The following VPS16 variants were observed in gnomAD, a reference collection of about 807,000 sequenced individuals.
VPS16 encodes the protein VPS16 core subunit of CORVET and HOPS complexes.
In VPS16, 82 loss-of-function variants were observed where a neutral mutation model predicts 116.0. The observed-to-expected ratio is 0.71, with a 90% CI of 0.59 to 0.85. The LOEUF is 0.85. Among genes scored for constraint, VPS16 ranks in the 40% least tolerant of loss-of-function variants. The probability of loss-of-function intolerance (pLI) is 0.00; values close to 1 mark genes in which losing one functional copy is unlikely to be tolerated. For missense variants in VPS16, 928 were observed against 1,090.6 expected (o/e 0.85, Z 2.10); for synonymous variants, 406 against 420.7 (o/e 0.96, Z 0.43).
Position 2,865,140 on chromosome 20 carries a change from G to C in VPS16, c.2005-8G>C. On this transcript the variant is annotated splice_polypyrimidine_tract_variant and splice_region_variant and intron_variant, in intron 20 of 23. Coordinates refer to ENST00000380445, the MANE Select transcript of VPS16 (RefSeq NM_022575.4). This position sits in a 1 kb window ranked among gnomAD's most constrained non-coding sequence, Gnocchi z 5.2. Reference sequence around the variant, plus strand: ...ATCCCCATCATGCCTCATTATCCGGGTCCCCAGGCTACAGAGGATCAAATG... The same window carrying C: ...ATCCCCATCATGCCTCATTATCCGGCTCCCCAGGCTACAGAGGATCAAATG... 1.2e-6 allele frequency: 2 copies of C among 1,614,016 alleles called. No individual in the cohort carries two copies. Among genetic ancestry groups the C allele is most frequent in the South Asian group, 1.1e-5 (1 of 91,076 alleles).
At chr20:2,856,322 G>A (rs1232996831) in intron 1 of VPS16, among the ~76,000 whole-genome samples, 2 of 152,090 alleles carry the variant, frequency 1.3e-5, no homozygotes, top group Admixed American at 1.3e-4. Flanking sequence ...AACAATTATA[G>A]TAGTAACATC....
Position 2,863,147 on chromosome 20 carries a change from G to A in VPS16, c.1367+47G>A. The A allele has an allele frequency of 6.2e-6, 10 of 1,613,434 alleles. No homozygotes were observed. The highest frequency in any genetic ancestry group is 7.6e-6 in the Non-Finnish European group (9 of 1,179,856). On this transcript the variant is annotated intron_variant, in intron 14 of 23. Coordinates refer to ENST00000380445, the MANE Select transcript of VPS16 (RefSeq NM_022575.4). This position sits in a 1 kb window ranked among gnomAD's most constrained non-coding sequence, Gnocchi z 4.4. ...AGTGAGCGGGCTGTCAGGGGGGTGGGCATTACAGCCTTGGGTGGGGTCTTA... is the reference window on the plus strand; with the variant it reads ...AGTGAGCGGGCTGTCAGGGGGGTGGACATTACAGCCTTGGGTGGGGTCTTA...
intron 12 of VPS16, 48 bp from the exon 13 acceptor site, chr20:2,862,759 G>GGGGTGGT: frequency 1.3e-6 from 1 of 777,190 alleles, no homozygotes; most frequent in African/African-American, 1.8e-5. Flanking sequence ...GAGGGGGTGG[G>GGGGTGGT]ATGGGCAGCA....
Position 2,860,626 on chromosome 20 carries a change from G to T in VPS16, c.514+33G>T, listed in dbSNP as rs909146058. On this transcript the variant is annotated intron_variant, in intron 5 of 23. Coordinates refer to ENST00000380445, the MANE Select transcript of VPS16 (RefSeq NM_022575.4). The surrounding 1 kb of genome is among the most constrained non-coding windows in gnomAD (Gnocchi z 6.1). Reference sequence around the variant, plus strand: ...CTGACACCGCTGAGATAGCCAAGCAGTACCCACAGATGTGCCTCTAGCCTG... The same window carrying T: ...CTGACACCGCTGAGATAGCCAAGCATTACCCACAGATGTGCCTCTAGCCTG... 6.2e-7 allele frequency: 1 copy of T among 1,612,326 alleles called. No homozygotes were observed. Among genetic ancestry groups the T allele is most frequent in the Non-Finnish European group, 8.5e-7 (1 of 1,179,488 alleles).
chr20:2,840,811 G>C lies in VPS16; in HGVS notation c.37G>C (p.Asp13His). 6.5e-7 allele frequency: 1 copy of C among 1,548,130 alleles called. No homozygotes were observed. Among genetic ancestry groups the C allele is most frequent in the Non-Finnish European group, 8.7e-7 (1 of 1,146,558 alleles). Residue 13 changes from aspartate (D) to histidine (H), a missense_variant, in exon 1 of 24, where the codon GAC becomes CAC. By Grantham distance (81) the Asp-to-His change is moderately conservative. Coordinates refer to ENST00000380445, the MANE Select transcript of VPS16 (RefSeq NM_022575.4). ...CACGGCGAACTGGAACCCACTCGGG[G>C]ACTCTGCCTTTTACCGGTGAGCTGC... ...CYTANWNPLGDSAFYRKYELY... is the reference protein window; with the variant it reads ...CYTANWNPLGHSAFYRKYELY...
At chr20:2,857,901 G>C (rs916667982) in intron 1 of VPS16, among the ~76,000 whole-genome samples, 1 of 149,288 alleles carries the variant, frequency 6.7e-6, no homozygotes, top group Non-Finnish European at 1.5e-5. Flanking sequence ...AGTAGAGACA[G>C]GGTTTCACCG....
Position 2,860,803 on chromosome 20 carries a change from C to T in VPS16, c.570C>T (p.His190=), listed in dbSNP as rs752294450. ...WTVLCQDRVA[H]ILLAVGPDLY... is the part of the protein sequence containing the mutation. Reference sequence around the variant, plus strand: ...TGCTGTGCCAGGACCGAGTGGCACACATTCTTCTGGCTGTGGGGCCTGACC... The same window carrying T: ...TGCTGTGCCAGGACCGAGTGGCACATATTCTTCTGGCTGTGGGGCCTGACC... Residue 190 remains histidine, a synonymous_variant, in exon 6 of 24, where the codon CAC becomes CAT. Transcript: ENST00000380445. The surrounding 1 kb of genome is among the most constrained non-coding windows in gnomAD (Gnocchi z 6.1). 3.1e-6 allele frequency: 5 copies of T among 1,614,100 alleles called. No homozygotes were observed. Among genetic ancestry groups the T allele is most frequent in the Non-Finnish European group, 4.2e-6 (5 of 1,180,036 alleles).
rs1004454458 is a variant in VPS16 at position 2,842,735 on chromosome 20, T to G, written c.53+1908T>G. Among the ~76,000 whole-genome samples, 19 of 71,590 alleles carry G rather than the reference T, an allele frequency of 2.7e-4. 3 individuals carry two copies. The highest frequency in any genetic ancestry group is 7.4e-4 in the East Asian group (2 of 2,690). 47.0% of individuals were successfully genotyped at this position (71,590 alleles called of 152,430 possible). A position where few individuals can be genotyped will look rare whatever the true frequency, so the allele number is the denominator to read the frequency against. On this transcript the variant is annotated intron_variant, in intron 1 of 23. Coordinates refer to ENST00000380445, the MANE Select transcript of VPS16 (RefSeq NM_022575.4). ...AGATAGACATATGGATGTATCTATC[T>G]ATAGATACATATAGATGTATCTATC...
intron 1 of VPS16, among the ~76,000 whole-genome samples, chr20:2,854,449 AAAC>A (rs1466022085): frequency 2.0e-5 from 3 of 151,822 alleles, no homozygotes; most frequent in Non-Finnish European, 4.4e-5. Flanking sequence ...AAACAAAACA[AAAC>A]AAAAAAAACG....
chr20:2,840,974 A>G, intron 1 of VPS16, 147 bp downstream of exon 1: 2 of 758,520 alleles, frequency 2.6e-6, no homozygotes, highest in Non-Finnish European at 4.1e-6. Flanking sequence ...CTTAGCGCAC[A>G]GCCGCCTTTG....
In VPS16 at chr20:2,860,056, C is replaced by G; in HGVS notation, c.145C>G (p.Leu49Val). Residue 49 changes from leucine to valine, a missense_variant and splice_region_variant, in exon 3 of 24, where the codon CTG (leucine) becomes GTG (valine). By Grantham distance (32) the Leu-to-Val change is conservative (BLOSUM62 1). Coordinates refer to ENST00000380445, the MANE Select transcript of VPS16 (RefSeq NM_022575.4). This position sits in a 1 kb window ranked among gnomAD's most constrained non-coding sequence, Gnocchi z 6.1. ...AAAPYGGPIALLRNPWRKEKA... is the reference protein window; with the variant it reads ...AAAPYGGPIAVLRNPWRKEKA... The stretch of plus-strand genomic sequence containing the variant: ...GAAGGTCTCTTCTCAAACTGCAGCA[C>G]TGCTGAGGAACCCCTGGCGGAAGGA... 6.2e-7 allele frequency: 1 copy of G among 1,613,978 alleles called. No homozygotes were observed. The highest frequency in any genetic ancestry group is 8.5e-7 in the Non-Finnish European group (1 of 1,180,016).
In VPS16 at chr20:2,840,795, C is replaced by T. The variant is rs1220340857; in HGVS notation, c.21C>T (p.Asn7=). ...CAGCCATGGACTGCTACACGGCGAACTGGAACCCACTCGGGGACTCTGCCT... is the reference window on the plus strand; with the variant it reads ...CAGCCATGGACTGCTACACGGCGAATTGGAACCCACTCGGGGACTCTGCCT... MDCYTA[N]WNPLGDSAFY... is the part of the protein sequence containing the mutation. Residue 7 remains asparagine, a synonymous_variant, in exon 1 of 24, where the codon AAC becomes AAT. Transcript: ENST00000380445. 2 of 1,548,278 alleles carry T rather than the reference C, an allele frequency of 1.3e-6. No individual in the cohort carries two copies. Among genetic ancestry groups the T allele is most frequent in the Non-Finnish European group, 1.7e-6 (2 of 1,146,624 alleles).
chr20:2,862,788 GC>G lies in VPS16; in HGVS notation c.1204-16del. The G allele has an allele frequency of 6.2e-7, 1 of 1,613,610 alleles. No homozygotes were observed. The highest frequency in any genetic ancestry group is 8.5e-7 in the Non-Finnish European group (1 of 1,179,970). On this transcript the variant is annotated intron_variant, in intron 12 of 23. Coordinates refer to ENST00000380445, the MANE Select transcript of VPS16 (RefSeq NM_022575.4). ...GGCAGCAGGGAAGCTCTCTCCTATCGCCCTCTGGCTCTTCTCAGGCCGCCTC... is the reference window on the plus strand; with the variant it reads ...GGCAGCAGGGAAGCTCTCTCCTATCGCCTCTGGCTCTTCTCAGGCCGCCTC...
Position 2,865,353 on chromosome 20 carries a change from AC to A in VPS16, c.2174+38del. The A allele has an allele frequency of 6.2e-7, 1 of 1,613,836 alleles. No homozygotes were observed. Among genetic ancestry groups the A allele is most frequent in the Non-Finnish European group, 8.5e-7 (1 of 1,179,858 alleles). ...GCCCAGGCTGCATGTGGGTCCCAGGACCACCTGCCTCTCCTGCAACACCTCC... is the reference window on the plus strand; with the variant it reads ...GCCCAGGCTGCATGTGGGTCCCAGGACACCTGCCTCTCCTGCAACACCTCC... On this transcript the variant is annotated intron_variant, in intron 21 of 23. Transcript: ENST00000380445. The surrounding 1 kb of genome is among the most constrained non-coding windows in gnomAD (Gnocchi z 5.2).
At chr20:2,858,119 G>T (rs2089192677) in intron 1 of VPS16, among the ~76,000 whole-genome samples, 1 of 145,750 alleles carries the variant, frequency 6.9e-6, no homozygotes, top group East Asian at 2.1e-4. Flanking sequence ...TTTTGAGACA[G>T]GGTCTCACTT....
At position 2,865,709 on chromosome 20, in the gene VPS16, G is replaced by A. The variant is rs568724995; in HGVS notation, c.2271+214G>A. 2.0e-5 allele frequency among the ~76,000 whole-genome samples: 3 copies of A among 152,312 alleles called. No homozygotes were observed. Among genetic ancestry groups the A allele is most frequent in the East Asian group, 1.9e-4 (1 of 5,188 alleles). On this transcript the variant is annotated intron_variant, in intron 22 of 23. Transcript: ENST00000380445. This position sits in a 1 kb window ranked among gnomAD's most constrained non-coding sequence, Gnocchi z 5.2. ...GTCCAAGTTTGCCTGCAGATGTTAC[G>A]GGGAGAGAGAATGAGCTGCTTTCCC... is the stretch of plus-strand genomic sequence containing the variant.
chr20:2,850,400 G>A (rs1447489775), intron 1 of VPS16, among the ~76,000 whole-genome samples: 1 of 152,058 alleles, frequency 6.6e-6, no homozygotes, highest in African/African-American at 2.4e-5. Flanking sequence ...AGGCCGAGGT[G>A]AGCAGATCAT....
chr20:2,865,489 C>T lies in VPS16; in HGVS notation c.2265C>T (p.Gly755=), dbSNP rs1259177860. 6 of 1,613,492 alleles carry T rather than the reference C, an allele frequency of 3.7e-6. No individual in the cohort carries two copies. Among genetic ancestry groups the T allele is most frequent in the Non-Finnish European group, 5.1e-6 (6 of 1,179,780 alleles). Residue 755 remains glycine, a synonymous_variant, in exon 22 of 24, where the codon GGC becomes GGT. Coordinates refer to ENST00000380445, the MANE Select transcript of VPS16 (RefSeq NM_022575.4). The surrounding 1 kb of genome is among the most constrained non-coding windows in gnomAD (Gnocchi z 5.2). ...KFSKSKKSPI[G]YLPFVEICMK... is the part of the protein sequence containing the mutation. ...CCAAGAGCAAGAAATCACCCATTGG[C>T]TACCTGGTGAGGCAGGGTCCTCCCT...
chr20:2,854,962 T>TTTTTTC (rs2089158646), intron 1 of VPS16, among the ~76,000 whole-genome samples: 1 of 130,842 alleles, frequency 7.6e-6, no homozygotes, highest in African/African-American at 3.2e-5. Context: ...GAGCAGTAAT[T>TTTTTTC]TTTTTTTTTT....
Sources: gnomAD v4.1 joint callset for allele counts (sites outside exome capture counted in the v4.1 genomes callset) on GRCh38, gnomAD v4.1.1 for gene constraint, Gnocchi (gnomAD v3.1) non-coding constraint, MANE v1.5 for transcripts, NCBI Gene and HGNC (gene_info 2026-07-23, HGNC 2026-07-21) for gene names.